Variants in ATP10A observed in about 807,000 individuals in gnomAD.
ATP10A encodes the protein ATPase phospholipid transporting 10A (putative).
Under a neutral mutation model 147.8 loss-of-function variants are expected in ATP10A, and 111 were observed. The ratio of observed to expected loss-of-function variants is 0.75; its 90% confidence interval spans 0.64 to 0.88. ATP10A has a LOEUF of 0.88. Among genes scored for constraint, ATP10A ranks in the 40% least tolerant of loss-of-function variants. The probability of loss-of-function intolerance (pLI) is 0.00; values close to 1 mark genes in which losing one functional copy is unlikely to be tolerated. For synonymous variants in ATP10A, 875 were observed against 841.6 expected (o/e 1.04, Z -0.69); for missense variants, 1,927 against 1,959.0 (o/e 0.98, Z 0.31).
intron 1 of ATP10A, among the ~76,000 whole-genome samples, chr15:25,781,969 A>C (rs1193981303): frequency 6.6e-6 from 1 of 152,226 alleles, no homozygotes; most frequent in Non-Finnish European, 1.5e-5. Flanking sequence ...TACACTCAGA[A>C]GAGCTGAAAG....
In ATP10A at chr15:25,708,142, C is replaced by G. The variant is rs756861633; in HGVS notation, c.2449-40G>C. Reference sequence around the variant, plus strand: ...TTGTTGAGTGCTGCACCGGGCGCTGCTCACTGTGGGGCGGCCACCTGCACG... The same window carrying G: ...TTGTTGAGTGCTGCACCGGGCGCTGGTCACTGTGGGGCGGCCACCTGCACG... On this transcript the variant is annotated intron_variant, in intron 11 of 20. Coordinates refer to ENST00000555815, the MANE Select transcript of ATP10A (RefSeq NM_024490.4). 3 of 1,613,060 alleles carry G rather than the reference C, an allele frequency of 1.9e-6. No individual in the cohort carries two copies. In the African/African-American group the frequency reaches 4.0e-5, roughly 22 times the overall value.
chr15:25,764,959 T>C (rs1305308056), intron 2 of ATP10A, among the ~76,000 whole-genome samples: 1 of 152,208 alleles, frequency 6.6e-6, no homozygotes, highest in Admixed American at 6.5e-5. Flanking sequence ...GAAATGCACT[T>C]CATTCTATTA....
In ATP10A at chr15:25,679,756, C is replaced by A; in HGVS notation, c.4085G>T (p.Cys1362Phe). The stretch of plus-strand genomic sequence containing the variant: ...GGGCTCCCCGCTGGCCTCCAGGGAG[C>A]AGACCGGCTGCTGTGTGTGCCAAGA... ...QPSWHTQQPV[C>F]SLEASGEPST... The change falls in exon 21 of 21, where the codon TGC (cysteine) becomes TTC (phenylalanine). Residue 1362 changes from cysteine to phenylalanine, a missense_variant. By Grantham distance (205) the Cys-to-Phe change is radical. Transcript: ENST00000555815. 1 of 1,613,316 alleles carries A rather than the reference C, an allele frequency of 6.2e-7. No homozygotes were observed. Among genetic ancestry groups the A allele is most frequent in the Non-Finnish European group, 8.5e-7 (1 of 1,179,978 alleles).
At chr15:25,698,165 T>C (rs550990829) in intron 13 of ATP10A, among the ~76,000 whole-genome samples, 21 of 152,324 alleles carry the variant, frequency 1.4e-4, no homozygotes, top group African/African-American at 5.0e-4. Flanking sequence ...TGTATCAACA[T>C]TGGCTCCTTA....
At chr15:25,743,899 A>G (rs1887697334) in intron 2 of ATP10A, among the ~76,000 whole-genome samples, 2 of 152,148 alleles carry the variant, frequency 1.3e-5, no homozygotes, top group Non-Finnish European at 2.9e-5. Context: ...TCACTTTGAT[A>G]GTGAGGTCTG....
intron 1 of ATP10A, among the ~76,000 whole-genome samples, chr15:25,789,696 A>G (rs1236630940): frequency 6.6e-6 from 1 of 152,168 alleles, no homozygotes; most frequent in Non-Finnish European, 1.5e-5. Flanking sequence ...CAGGCAGAGA[A>G]GTAGAAAGCC....
Position 25,803,381 on chromosome 15 carries a change from G to A in ATP10A, c.450-22158C>T, listed in dbSNP as rs575408903. Among the ~76,000 whole-genome samples, 120 of 152,346 alleles carry A rather than the reference G, an allele frequency of 7.9e-4. 2 individuals are homozygous for A. Among genetic ancestry groups the A allele is most frequent in the African/African-American group, 2.8e-3 (117 of 41,586 alleles). ...TACAGTGGGGCACAGGGTGGGCACT[G>A]CCCATGTCACATGTCCCCTGGGTGC... On this transcript the variant is annotated intron_variant, in intron 1 of 20. Coordinates refer to ENST00000555815, the MANE Select transcript of ATP10A (RefSeq NM_024490.4).
intron 10 of ATP10A, chr15:25,709,471 G>T (rs770550569): frequency 6.6e-6 from 1 of 152,256 alleles, no homozygotes; most frequent in Non-Finnish European, 1.5e-5. Context: ...TGTCCTGAGA[G>T]GTGACATGTG....
At chr15:25,683,140 C>T in intron 17 of ATP10A, 146 bp downstream of exon 17, 2 of 764,102 alleles carry the variant, frequency 2.6e-6, no homozygotes, top group Non-Finnish European at 4.1e-6. Context: ...AGCCCTTTTT[C>T]TCCATCCTCT....
rs755923334 is a variant in ATP10A, at chr15:25,679,978, G to A, written c.3867-4C>T. On this transcript the variant is annotated splice_region_variant and splice_polypyrimidine_tract_variant and intron_variant, in intron 20 of 20. Transcript: ENST00000555815. The stretch of plus-strand genomic sequence containing the variant: ...CTGGAGGGATCTGAAAAACAATCTA[G>A]AAAAAGTACATTAAAACAAAAAGTT... 1 of 1,590,522 alleles carries A rather than the reference G, an allele frequency of 6.3e-7. No individual in the cohort carries two copies. Among genetic ancestry groups the A allele is most frequent in the South Asian group, 1.1e-5 (1 of 89,978 alleles).
intron 1 of ATP10A, among the ~76,000 whole-genome samples, chr15:25,799,530 A>T (rs1223658034): frequency 6.6e-6 from 1 of 152,198 alleles, no homozygotes; most frequent in Admixed American, 6.5e-5. Flanking sequence ...ACAGACAAAA[A>T]AACAAAGTTA....
At chr15:25,833,282 C>T (rs1892441783) in intron 1 of ATP10A, among the ~76,000 whole-genome samples, 1 of 151,678 alleles carries the variant, frequency 6.6e-6, no homozygotes, top group African/African-American at 2.4e-5. Context: ...TGCGCCGGGC[C>T]CATATTTTTT....
intron 1 of ATP10A, among the ~76,000 whole-genome samples, chr15:25,849,589 A>C (rs1263687390): frequency 6.6e-6 from 1 of 152,146 alleles, no homozygotes; most frequent in Non-Finnish European, 1.5e-5. Context: ...AGGATAGGAA[A>C]CTGAAAGGAG....
chr15:25,810,549 C>A (rs189459611), intron 1 of ATP10A, among the ~76,000 whole-genome samples: 4 of 152,120 alleles, frequency 2.6e-5, no homozygotes, highest in African/African-American at 9.7e-5. Context: ...AAAACACACA[C>A]GGGTAAAAGC....
chr15:25,692,381 T>C (rs916169706), intron 14 of ATP10A, among the ~76,000 whole-genome samples: 2 of 152,206 alleles, frequency 1.3e-5, no homozygotes, highest in Admixed American at 6.5e-5. Flanking sequence ...GTCAGATATC[T>C]GGACACCTTC....
Position 25,680,795 on chromosome 15 carries a change from G to A in ATP10A, c.3678+15C>T, listed in dbSNP as rs1433830878. ...CAGTGCTCTTCTGAGACGTGGCCAT[G>A]CAGGCGGCTCTTACCCAGGTTTTGG... On this transcript the variant is annotated intron_variant, in intron 19 of 20. Transcript: ENST00000555815. 1.2e-6 allele frequency: 2 copies of A among 1,603,630 alleles called. No homozygotes were observed. The highest frequency in any genetic ancestry group is 1.7e-6 in the Non-Finnish European group (2 of 1,171,950).
At chr15:25,775,276 AT>A (rs974102448) in intron 2 of ATP10A, among the ~76,000 whole-genome samples, 11 of 152,230 alleles carry the variant, frequency 7.2e-5, no homozygotes, top group Admixed American at 6.5e-5. Context: ...TTTAAAAAAA[AT>A]ATTTTGTCTT....
chr15:25,694,737 C>T (rs955722811), intron 14 of ATP10A, 82 bp downstream of exon 14: 6 of 1,241,032 alleles, frequency 4.8e-6, no homozygotes, highest in Non-Finnish European at 6.6e-6. Context: ...AAGTGTTTTC[C>T]CATCTCGTGG....
chr15:25,706,569 G>A (rs894132294), intron 12 of ATP10A, among the ~76,000 whole-genome samples: 3 of 152,214 alleles, frequency 2.0e-5, no homozygotes, highest in African/African-American at 7.2e-5. Flanking sequence ...AACTGAGTCA[G>A]GGCTCCTGGG....
Sources: allele counts gnomAD v4.1 joint callset (sites outside exome capture counted in the v4.1 genomes callset), GRCh38; gene constraint gnomAD v4.1.1; transcripts MANE v1.5; gene names NCBI Gene and HGNC (gene_info 2026-07-23, HGNC 2026-07-21).